HSPA12A: variants seen among roughly 807,000 people sequenced by gnomAD.
HSPA12A encodes heat shock protein family A (Hsp70) member 12A.
HSPA12A carries 28 observed loss-of-function variants against 69.2 expected under a neutral mutation model. That is an observed-to-expected ratio of 0.40 (90% CI 0.30 to 0.55). The LOEUF (loss-of-function observed/expected upper bound fraction) is 0.55, where lower values mean the gene tolerates loss of function less well. HSPA12A is among the 20% of genes least tolerant of loss of function. The pLI, the probability that HSPA12A is intolerant of heterozygous loss-of-function variation, is 0.38. For synonymous variants in HSPA12A, 345 were observed against 370.5 expected (o/e 0.93, Z 0.79); for missense variants, 686 against 900.7 (o/e 0.76, Z 3.05).
chr10:116,746,005 C>G (rs1341234292), upstream of HSPA12A, among the ~76,000 whole-genome samples: 3 of 152,156 alleles, frequency 2.0e-5, no homozygotes, highest in Non-Finnish European at 4.4e-5. Context: ...GCTGCCAGCT[C>G]TCCAAAGTGG....
intron 2 of HSPA12A, among the ~76,000 whole-genome samples, chr10:116,770,600 AG>A (rs1554890329): frequency 6.6e-6 from 1 of 152,090 alleles, no homozygotes; most frequent in African/African-American, 2.4e-5. Context: ...GACTGAGGCA[AG>A]GTGGTAGGAG....
chr10:116,731,222 A>C (rs1419027282), intron 1 of HSPA12A, among the ~76,000 whole-genome samples: 2 of 152,180 alleles, frequency 1.3e-5, no homozygotes, highest in African/African-American at 4.8e-5. Context: ...TTTTAAAACG[A>C]ATTTTGCTTG....
intron 10 of HSPA12A, among the ~76,000 whole-genome samples, chr10:116,677,759 C>T (rs1210812391): frequency 6.6e-6 from 1 of 152,200 alleles, no homozygotes; most frequent in Non-Finnish European, 1.5e-5. Flanking sequence ...GAGGCAAAGA[C>T]ACTGTCAACC....
At chr10:116,778,970 G>A (rs1554891466) in intron 2 of HSPA12A, among the ~76,000 whole-genome samples, 1 of 152,108 alleles carries the variant, frequency 6.6e-6, no homozygotes, top group African/African-American at 2.4e-5. Context: ...ACAGAAAGAA[G>A]TCCATGGCAG....
At chr10:116,773,166 C>T (rs1277520606) in intron 2 of HSPA12A, among the ~76,000 whole-genome samples, 1 of 152,230 alleles carries the variant, frequency 6.6e-6, no homozygotes, top group Non-Finnish European at 1.5e-5. Flanking sequence ...CTCTGCACAG[C>T]AGGCAAGGTC....
At chr10:116,821,101 T>C (rs1190022025) in intron 2 of HSPA12A, among the ~76,000 whole-genome samples, 1 of 152,174 alleles carries the variant, frequency 6.6e-6, no homozygotes, top group Non-Finnish European at 1.5e-5. Flanking sequence ...GCCTCTCCTC[T>C]TGCCACCCCA....
intron 6 of HSPA12A, among the ~76,000 whole-genome samples, chr10:116,690,530 A>G (rs1006330394): frequency 2.0e-5 from 3 of 152,236 alleles, no homozygotes; most frequent in Non-Finnish European, 2.9e-5. Context: ...ACACTGTACC[A>G]AAGTTAGCCA....
intron 2 of HSPA12A, among the ~76,000 whole-genome samples, chr10:116,786,085 C>T (rs542114380): frequency 2.5e-4 from 38 of 152,260 alleles, no homozygotes; most frequent in African/African-American, 7.9e-4. Context: ...ATGAGGTTAG[C>T]GCCAGAGAAG....
Position 116,778,375 on chromosome 10 carries a change from A to G in HSPA12A, c.91+56560T>C, listed in dbSNP as rs186943770. Among the ~76,000 whole-genome samples the G allele has an allele frequency of 3.3e-5, 5 of 152,216 alleles. No homozygotes were observed. The East Asian group carries it at 9.6e-4, about 29-fold the overall frequency. ...CTGGTGCTCTAACAGCCGACCTTAC[A>G]CAGAAAGGTCAGAGAAGGAAGCAGT... On this transcript the variant is annotated intron_variant, in intron 2 of 12. Transcript: ENST00000635765.
chr10:116,794,630 T>C (rs1844779265), intron 2 of HSPA12A, among the ~76,000 whole-genome samples: 1 of 152,282 alleles, frequency 6.6e-6, no homozygotes, highest in Non-Finnish European at 1.5e-5. Context: ...CTGGCCAACA[T>C]ACTGAAACCC....
chr10:116,711,818 C>T (rs1021811032), intron 1 of HSPA12A, among the ~76,000 whole-genome samples: 12 of 151,454 alleles, frequency 7.9e-5, no homozygotes, highest in South Asian at 4.2e-4. Flanking sequence ...CGCCTGCCAA[C>T]GCGCCCAGCT....
intron 1 of HSPA12A, among the ~76,000 whole-genome samples, chr10:116,839,329 TC>T: frequency 6.6e-6 from 1 of 152,192 alleles, no homozygotes; most frequent in Admixed American, 6.5e-5. Context: ...TTCGCTCCCC[TC>T]CCCCACGAAG....
chr10:116,834,057 G>A (rs1845667376), intron 2 of HSPA12A, among the ~76,000 whole-genome samples: 1 of 152,216 alleles, frequency 6.6e-6, no homozygotes, highest in Non-Finnish European at 1.5e-5. Context: ...TTGGGAGGCA[G>A]CAGTAAAAGA....
At chr10:116,676,609 G>C in intron 10 of HSPA12A, 107 bp from the exon 11 acceptor site, 3 of 875,872 alleles carry the variant, frequency 3.4e-6, no homozygotes, top group Non-Finnish European at 5.4e-6. Flanking sequence ...CTTCTTAGCA[G>C]GCAGAAAGGG....
At chr10:116,779,279 C>T (rs912410801) in intron 2 of HSPA12A, among the ~76,000 whole-genome samples, 1 of 152,132 alleles carries the variant, frequency 6.6e-6, no homozygotes, top group Non-Finnish European at 1.5e-5. Context: ...ATCCGGGTGC[C>T]CACCCCAAAC....
At chr10:116,696,943 C>T (rs1463811629) in intron 5 of HSPA12A, among the ~76,000 whole-genome samples, 1 of 152,152 alleles carries the variant, frequency 6.6e-6, no homozygotes, top group South Asian at 2.1e-4. Context: ...CTACAGGGAG[C>T]CTTCCATGAT....
intron 4 of HSPA12A, among the ~76,000 whole-genome samples, chr10:116,699,026 G>A (rs1400242727): frequency 6.6e-6 from 1 of 152,154 alleles, no homozygotes; most frequent in African/African-American, 2.4e-5. Flanking sequence ...GGTTTCAGGG[G>A]CAACAGTAGA....
intron 1 of HSPA12A, among the ~76,000 whole-genome samples, chr10:116,836,444 T>TTC: frequency 6.6e-6 from 1 of 152,286 alleles, no homozygotes; most frequent in East Asian, 1.9e-4. Flanking sequence ...CCCACTCTCT[T>TTC]TCTCTCTTTA....
chr10:116,744,759 G>A (rs550969618), upstream of HSPA12A, among the ~76,000 whole-genome samples: 20 of 152,348 alleles, frequency 1.3e-4, no homozygotes, highest in African/African-American at 4.1e-4. Flanking sequence ...TGGCCCTTGC[G>A]GTTTTGCAGG....
Sources: gnomAD v4.1 joint callset for allele counts (sites outside exome capture counted in the v4.1 genomes callset) on GRCh38, gnomAD v4.1.1 for gene constraint, MANE v1.5 for transcripts, NCBI Gene and HGNC (gene_info 2026-07-23, HGNC 2026-07-21) for gene names.